The following RIN3 variants were observed in gnomAD, a reference collection of about 807,000 sequenced individuals.
RIN3 encodes RAB5 interacting protein 3.
RIN3 carries 54 observed loss-of-function variants against 76.3 expected under a neutral mutation model. That is an observed-to-expected ratio of 0.71 (90% CI 0.57 to 0.89). The LOEUF (loss-of-function observed/expected upper bound fraction) is 0.89, where lower values mean the gene tolerates loss of function less well. RIN3 is among the 40% of genes least tolerant of loss of function. The pLI is 0.00. For missense variants in RIN3, 1,256 were observed against 1,322.1 expected (o/e 0.95, Z 0.78); for synonymous variants, 576 against 564.0 (o/e 1.02, Z -0.30).
chr14:92,558,797 T>C (rs1015827251), intron 2 of RIN3, among the ~76,000 whole-genome samples: 6 of 152,050 alleles, frequency 3.9e-5, no homozygotes, highest in Non-Finnish European at 7.4e-5. Context: ...ATTCACCAAC[T>C]CCTGATAGTC....
intron 4 of RIN3, among the ~76,000 whole-genome samples, chr14:92,637,360 G>A (rs1444954160): frequency 2.6e-5 from 4 of 152,052 alleles, no homozygotes; most frequent in East Asian, 1.9e-4. Context: ...AGAATGGAAC[G>A]CTGCTGCTGA....
chr14:92,590,580 C>T (rs550228721), intron 3 of RIN3, among the ~76,000 whole-genome samples: 43 of 152,326 alleles, frequency 2.8e-4, no homozygotes, highest in Non-Finnish European at 5.6e-4. Flanking sequence ...CACCGTGCTT[C>T]CTGTAAAGCC....
rs940411781 is a variant in RIN3, at chr14:92,514,567, G to A, written c.44+591G>A. ...GCCCTGGCCGTAGACGGTGACCTTC[G>A]GACCGGCCCTGGTCGAGCCTAGTGC... is the stretch of plus-strand genomic sequence containing the variant. On this transcript the variant is annotated intron_variant, in intron 1 of 9. Transcript: ENST00000216487. The surrounding 1 kb of genome is among the most constrained non-coding windows in gnomAD (Gnocchi z 7.2). Among the ~76,000 whole-genome samples the A allele has an allele frequency of 9.2e-5, 14 of 152,256 alleles. No homozygotes were observed. The highest frequency in any genetic ancestry group is 3.4e-4 in the African/African-American group (14 of 41,476).
At chr14:92,544,778 C>G (rs1288156489) in intron 1 of RIN3, among the ~76,000 whole-genome samples, 1 of 152,094 alleles carries the variant, frequency 6.6e-6, no homozygotes. Context: ...CCTATGCACC[C>G]ATAATTCAGC....
chr14:92,641,735 G>A (rs1001359598), intron 5 of RIN3, among the ~76,000 whole-genome samples: 16 of 152,228 alleles, frequency 1.1e-4, no homozygotes, highest in Non-Finnish European at 2.4e-4. Flanking sequence ...CTTGAGTGTG[G>A]CCCTTGCGGG....
At chr14:92,545,210 T>C (rs7142824) in intron 1 of RIN3, among the ~76,000 whole-genome samples, 123,762 of 149,790 alleles carry the variant, frequency 0.83, 51,237 homozygotes, top group Middle Eastern at 0.87. Context: ...CCCGGGTTCA[T>C]GCCATTCTCC....
intron 1 of RIN3, among the ~76,000 whole-genome samples, chr14:92,540,332 C>T (rs1047109730): frequency 2.0e-5 from 3 of 152,194 alleles, no homozygotes; most frequent in Admixed American, 6.5e-5. Context: ...TTAGGCTGCA[C>T]TCTATTCCCC....
At chr14:92,590,450 G>A (rs547632919) in intron 3 of RIN3, among the ~76,000 whole-genome samples, 21 of 152,040 alleles carry the variant, frequency 1.4e-4, no homozygotes, top group Non-Finnish European at 2.8e-4. Context: ...AAAAGTGTAT[G>A]GCACCCTCCT....
At chr14:92,641,927 C>T (rs1415159564) in intron 5 of RIN3, among the ~76,000 whole-genome samples, 1 of 152,136 alleles carries the variant, frequency 6.6e-6, no homozygotes, top group Non-Finnish European at 1.5e-5. Flanking sequence ...CATGTATGGG[C>T]GATGCCAAGT....
chr14:92,606,321 T>A (rs888543524), intron 3 of RIN3, among the ~76,000 whole-genome samples: 5 of 152,112 alleles, frequency 3.3e-5, no homozygotes, highest in African/African-American at 1.2e-4. Flanking sequence ...GAAGGATTGC[T>A]TGAGCCCAGG....
intron 2 of RIN3, 147 bp from the exon 3 acceptor site, chr14:92,577,213 C>A: frequency 1.7e-6 from 1 of 592,508 alleles, no homozygotes; most frequent in Non-Finnish European, 3.1e-6. Context: ...TGGGGCAGAA[C>A]CCCCAGTGTC....
chr14:92,655,693 C>T (rs1039020435), intron 6 of RIN3, among the ~76,000 whole-genome samples: 2 of 152,228 alleles, frequency 1.3e-5, no homozygotes, highest in African/African-American at 4.8e-5. Context: ...AGGACGGAGG[C>T]AGCACAGATG....
chr14:92,665,413 C>G (rs1888054294), intron 7 of RIN3, among the ~76,000 whole-genome samples: 1 of 120,072 alleles, frequency 8.3e-6, no homozygotes, highest in South Asian at 2.8e-4. Context: ...GAGTCTCGCT[C>G]TATCGCCCAG....
intron 1 of RIN3, among the ~76,000 whole-genome samples, chr14:92,554,560 T>G (rs531590513): frequency 3.9e-5 from 6 of 152,386 alleles, no homozygotes; most frequent in African/African-American, 1.2e-4. Flanking sequence ...TCATTTTATA[T>G]ATTCTGGCAG....
At chr14:92,683,174 A>C (rs922543360) in intron 8 of RIN3, among the ~76,000 whole-genome samples, 4 of 152,080 alleles carry the variant, frequency 2.6e-5, no homozygotes, top group Non-Finnish European at 5.9e-5. Flanking sequence ...TCTAAAAAAA[A>C]AAAGAAGAAA....
chr14:92,644,212 C>T (rs988554235), intron 5 of RIN3, among the ~76,000 whole-genome samples: 5 of 152,138 alleles, frequency 3.3e-5, no homozygotes, highest in African/African-American at 4.8e-5. Context: ...GTTTTTGCAA[C>T]GAGCAGTCAA....
intron 2 of RIN3, among the ~76,000 whole-genome samples, chr14:92,573,256 T>C (rs753432452): frequency 2.0e-5 from 3 of 152,112 alleles, no homozygotes; most frequent in Non-Finnish European, 4.4e-5. Flanking sequence ...ATCAGGTTAT[T>C]AGATTTAGAA....
At chr14:92,564,316 T>C (rs1897858402) in intron 2 of RIN3, among the ~76,000 whole-genome samples, 1 of 152,204 alleles carries the variant, frequency 6.6e-6, no homozygotes, top group African/African-American at 2.4e-5. Flanking sequence ...AATAAGTTGG[T>C]CTTTCCAAAA....
chr14:92,649,210 C>T (rs564042802), intron 5 of RIN3, among the ~76,000 whole-genome samples: 5 of 152,286 alleles, frequency 3.3e-5, no homozygotes, highest in East Asian at 1.9e-4. Context: ...TGGGGTGTCC[C>T]GGCACCAGTG....
Sources: gnomAD v4.1 joint callset for allele counts (sites outside exome capture counted in the v4.1 genomes callset) on GRCh38, gnomAD v4.1.1 for gene constraint, Gnocchi (gnomAD v3.1) non-coding constraint, MANE v1.5 for transcripts, NCBI Gene and HGNC (gene_info 2026-07-23, HGNC 2026-07-21) for gene names.